UBR3: variants seen among roughly 807,000 people sequenced by gnomAD.
UBR3 encodes the protein E3 ubiquitin-protein ligase UBR3.
UBR3 carries 85 observed loss-of-function variants against 243.2 expected under a neutral mutation model. The observed-to-expected ratio is 0.35, with a 90% CI of 0.29 to 0.42. UBR3 has a LOEUF of 0.42. UBR3 is among the 10% of genes least tolerant of loss of function. UBR3 has a pLI of 1.00. For synonymous variants in UBR3, 748 were observed against 799.8 expected (o/e 0.94, Z 1.09); for missense variants, 1,686 against 2,300.8 (o/e 0.73, Z 5.47).
At chr2:169,984,100 C>A (rs1203983819) in intron 24 of UBR3, among the ~76,000 whole-genome samples, 1 of 152,026 alleles carries the variant, frequency 6.6e-6, no homozygotes, top group African/African-American at 2.4e-5. Context: ...TTTTTCATTG[C>A]CTCAATTTGC....
At chr2:169,874,018 C>CTTTA (rs2083516253) in intron 2 of UBR3, among the ~76,000 whole-genome samples, 1 of 151,924 alleles carries the variant, frequency 6.6e-6, no homozygotes, top group African/African-American at 2.4e-5. Context: ...AAGTACATAG[C>CTTTA]TTTATAATTA....
intron 24 of UBR3, among the ~76,000 whole-genome samples, chr2:169,982,744 A>G (rs912292280): frequency 6.6e-6 from 1 of 152,126 alleles, no homozygotes; most frequent in African/African-American, 2.4e-5. Context: ...TCTATATTAT[A>G]ATTAACATAC....
rs56342606 is a variant in UBR3, at chr2:169,890,538, G to C, written c.1039-627G>C. Among the ~76,000 whole-genome samples the C allele has an allele frequency of 9.3e-4, 72 of 77,560 alleles. 2 individuals carry two copies. The highest frequency in any genetic ancestry group is 2.0e-3 in the African/African-American group (33 of 16,200). The allele number at this position is 77,560 out of a possible 152,430, so 50.9% of individuals were successfully genotyped here. ...GAGGTTTTTCTAGGAGAGAGAGAGA[G>C]AGATATATATATATATATATATATA... On this transcript the variant is annotated intron_variant, in intron 5 of 38. Transcript: ENST00000272793.
intron 1 of UBR3, among the ~76,000 whole-genome samples, chr2:169,868,378 G>A (rs2083327155): frequency 1.3e-5 from 2 of 152,146 alleles, no homozygotes; most frequent in Admixed American, 1.3e-4. Flanking sequence ...GTCTCATTCT[G>A]TCATCCAGGC....
chr2:170,036,068 G>C (rs1237666560), intron 31 of UBR3, among the ~76,000 whole-genome samples: 1 of 151,922 alleles, frequency 6.6e-6, no homozygotes, highest in Non-Finnish European at 1.5e-5. Flanking sequence ...TTTTTGGTCA[G>C]TTTGTTCAGA....
At chr2:170,061,254 A>G (rs573705883) in intron 34 of UBR3, 64 bp from the exon 35 acceptor site, 1 of 1,583,710 alleles carries the variant, frequency 6.3e-7, no homozygotes, top group Non-Finnish European at 8.6e-7. Flanking sequence ...TGCCATTATG[A>G]ATGTAATTTT....
At chr2:169,896,806 A>G (rs937310067) in intron 8 of UBR3, 71 bp downstream of exon 8, 14 of 1,057,060 alleles carry the variant, frequency 1.3e-5, no homozygotes, top group South Asian at 6.6e-5. Context: ...AGTGTACTTC[A>G]TATACTTAGT....
intron 1 of UBR3, among the ~76,000 whole-genome samples, chr2:169,829,896 TTCCCGC>T (rs2081878084): frequency 2.0e-5 from 3 of 151,786 alleles, no homozygotes; most frequent in Non-Finnish European, 4.4e-5. Context: ...GTCCAGTTCC[TTCCCGC>T]TTAGTTTCTC....
At chr2:170,055,396 TA>T in intron 32 of UBR3, 63 bp from the exon 33 acceptor site, 1 of 1,556,214 alleles carries the variant, frequency 6.4e-7, no homozygotes, top group Non-Finnish European at 8.7e-7. Flanking sequence ...CATATATTTG[TA>T]AAACTATGTT....
chr2:169,882,277 A>G (rs2083908688), intron 5 of UBR3, among the ~76,000 whole-genome samples: 4 of 137,262 alleles, frequency 2.9e-5, no homozygotes, highest in Admixed American at 2.3e-4. Flanking sequence ...TTTGTATATC[A>G]TATATTTATA....
Position 169,905,301 on chromosome 2 carries a change from T to C in UBR3, c.1645+8T>C. On this transcript the variant is annotated splice_region_variant and intron_variant, in intron 9 of 38. Coordinates refer to ENST00000272793, the MANE Select transcript of UBR3 (RefSeq NM_172070.4). ...TTGTATCTTTCTTTCAAGGTATGAA[T>C]TTTATCCCTTTGTTAATTTTTTGGT... 6.8e-7 allele frequency: 1 copy of C among 1,471,028 alleles called. No homozygotes were observed. Among genetic ancestry groups the C allele is most frequent in the Non-Finnish European group, 9.0e-7 (1 of 1,111,124 alleles). 91.1% of individuals were successfully genotyped at this position (1,471,028 alleles called of 1,614,324 possible).
intron 6 of UBR3, among the ~76,000 whole-genome samples, chr2:169,893,567 T>G (rs913793906): frequency 2.6e-5 from 4 of 152,174 alleles, no homozygotes; most frequent in Non-Finnish European, 2.9e-5. Context: ...ATAATTTATT[T>G]TTTTCAGCAC....
chr2:169,910,719 T>A (rs1409331398), intron 10 of UBR3, among the ~76,000 whole-genome samples: 1 of 152,186 alleles, frequency 6.6e-6, no homozygotes, highest in Non-Finnish European at 1.5e-5. Context: ...TATTCTTATC[T>A]AACATTCATT....
At chr2:169,830,048 C>A (rs2081884013) in intron 1 of UBR3, among the ~76,000 whole-genome samples, 1 of 151,940 alleles carries the variant, frequency 6.6e-6, no homozygotes, top group Non-Finnish European at 1.5e-5. Context: ...AAATCAGTGT[C>A]GTCATTCTAT....
intron 26 of UBR3, among the ~76,000 whole-genome samples, chr2:169,997,202 T>C (rs1488673339): frequency 6.6e-6 from 1 of 152,218 alleles, no homozygotes; most frequent in African/African-American, 2.4e-5. Context: ...CAGAAACCTC[T>C]GTGGCTGGTG....
chr2:169,891,722 A>G (rs2105325110), intron 6 of UBR3, among the ~76,000 whole-genome samples: 1 of 152,282 alleles, frequency 6.6e-6, no homozygotes, highest in Middle Eastern at 3.4e-3. Context: ...AGTATTATAA[A>G]TATGCTTTGT....
chr2:170,073,650 G>T (rs2091746954), intron 36 of UBR3, 43 bp downstream of exon 36: 1 of 1,578,846 alleles, frequency 6.3e-7, no homozygotes, highest in South Asian at 1.2e-5. Context: ...GTGGTGATAT[G>T]CTAATAGGTA....
intron 19 of UBR3, among the ~76,000 whole-genome samples, chr2:169,940,956 G>C (rs1229336252): frequency 6.6e-6 from 1 of 152,132 alleles, no homozygotes. Flanking sequence ...TTGTTCCTTA[G>C]TCCAGTGTAC....
chr2:169,902,282 C>A (rs2084854204), intron 8 of UBR3, among the ~76,000 whole-genome samples: 1 of 152,348 alleles, frequency 6.6e-6, no homozygotes, highest in African/African-American at 2.4e-5. Context: ...ATGGCCATCT[C>A]TAAGCCTCTT....
Sources: allele counts gnomAD v4.1 joint callset (sites outside exome capture counted in the v4.1 genomes callset), GRCh38; gene constraint gnomAD v4.1.1; transcripts MANE v1.5; gene names NCBI Gene and HGNC (gene_info 2026-07-23, HGNC 2026-07-21).